The following DIS3L variants were observed in gnomAD, a reference collection of about 807,000 sequenced individuals.
The protein encoded by DIS3L is DIS3 like exosome 3'-5' exoribonuclease, also known as DIS3-like exonuclease 1.
Under a neutral mutation model 120.3 loss-of-function variants are expected in DIS3L, and 100 were observed. The observed-to-expected ratio is 0.83, with a 90% CI of 0.71 to 0.98. The LOEUF is 0.98. Ranked by LOEUF, DIS3L falls within the 50% of genes least tolerant of loss-of-function variation. The pLI is 0.00. For synonymous variants in DIS3L, 426 were observed against 470.6 expected (o/e 0.91, Z 1.23); for missense variants, 1,196 against 1,314.2 (o/e 0.91, Z 1.39).
At chr15:66,293,788 G>C (rs2092550570) in intron 1 of DIS3L, 53 bp downstream of exon 1, 1 of 1,128,260 alleles carries the variant, frequency 8.9e-7, no homozygotes, top group African/African-American at 1.6e-5. Context: ...GGCGGCCGCA[G>C]TGAGGGGCTG....
In DIS3L at chr15:66,309,094, A is replaced by AAAAATATATATATAT; in HGVS notation, c.558+251_558+252insAAATATATATATATA. 1.4e-3 allele frequency among the ~76,000 whole-genome samples: 21 copies of AAAAATATATATATAT among 15,316 alleles called. 6 individuals carry two copies. The highest frequency in any genetic ancestry group is 8.5e-3 in the South Asian group (1 of 118). The allele number at this position is 15,316 out of a possible 152,430, so 10.0% of individuals were successfully genotyped here. On this transcript the variant is annotated intron_variant, in intron 4 of 16. Transcript: ENST00000319212. ...CTTGTCTCTACAGAAAAAAAAAAAA[A>AAAAATATATATATAT]ATATATATATCTCCAAGCATGGTGG... is the stretch of plus-strand genomic sequence containing the variant.
intron 2 of DIS3L, among the ~76,000 whole-genome samples, chr15:66,306,220 C>A (rs368442194): frequency 4.6e-5 from 7 of 152,300 alleles, no homozygotes; most frequent in Admixed American, 2.0e-4. Context: ...AACCATTCTC[C>A]TTCCTCGGCC....
Position 66,326,117 on chromosome 15 carries a change from G to A in DIS3L, c.1954G>A (p.Glu652Lys). 1 of 1,614,200 alleles carries A rather than the reference G, an allele frequency of 6.2e-7. No homozygotes were observed. The highest frequency in any genetic ancestry group is 2.2e-5 in the East Asian group (1 of 44,884). ...KRDGCGALEL[E>K]GVEVCVQLDD... ...AGACGGATGTGGTGCCCTGGAACTG[G>A]AAGGGGTAGAGGTTTGCGTACAGCT... is the stretch of plus-strand genomic sequence containing the variant. The change falls in exon 12 of 17, where the codon GAA becomes AAA. Residue 652 changes from glutamate to lysine, a missense_variant. Glu to Lys is a moderately conservative substitution (Grantham distance 56). Coordinates refer to ENST00000319212, the MANE Select transcript of DIS3L (RefSeq NM_001143688.3).
Position 66,333,108 on chromosome 15 carries a change from G to C in DIS3L, c.2961G>C (p.Gln987His). 1 of 1,613,394 alleles carries C rather than the reference G, an allele frequency of 6.2e-7. No individual in the cohort carries two copies. Among genetic ancestry groups the C allele is most frequent in the Non-Finnish European group, 8.5e-7 (1 of 1,180,024 alleles). ...TACCAAATACAGAACTTATTCATCA[G>C]AGTTCCCCCTTGCTGAAGAGTGAGT... ...YKIPNTELIH[Q>H]SSPLLKSELV... is the part of the protein sequence containing the mutation. Residue 987 changes from glutamine to histidine, a missense_variant, in exon 17 of 17, where the codon CAG becomes CAC. Gln to His is a conservative substitution (Grantham distance 24). Transcript: ENST00000319212.
At chr15:66,325,012 G>T (rs1480751241) in intron 11 of DIS3L, among the ~76,000 whole-genome samples, 1 of 152,064 alleles carries the variant, frequency 6.6e-6, no homozygotes, top group Non-Finnish European at 1.5e-5. Flanking sequence ...TCACAGTTCA[G>T]TGCCATCCTG....
Position 66,309,094 on chromosome 15 carries a change from A to AAAAAAATATATAT in DIS3L, c.558+251_558+252insAAAAATATATATA. The stretch of plus-strand genomic sequence containing the variant: ...CTTGTCTCTACAGAAAAAAAAAAAA[A>AAAAAAATATATAT]ATATATATATCTCCAAGCATGGTGG... On this transcript the variant is annotated intron_variant, in intron 4 of 16. Transcript: ENST00000319212. 2.2e-3 allele frequency among the ~76,000 whole-genome samples: 33 copies of AAAAAAATATATAT among 15,314 alleles called. 7 individuals are homozygous for AAAAAAATATATAT. Among genetic ancestry groups the AAAAAAATATATAT allele is most frequent in the Admixed American group, 3.2e-3 (2 of 618 alleles). 10.0% of individuals were successfully genotyped at this position (15,314 alleles called of 152,430 possible). A position where few individuals can be genotyped will look rare whatever the true frequency, so the allele number is the denominator to read the frequency against.
chr15:66,315,300 C>T (rs2092806320), intron 7 of DIS3L, 85 bp downstream of exon 7: 1 of 1,242,240 alleles, frequency 8.0e-7, no homozygotes, highest in Non-Finnish European at 1.1e-6. Context: ...GAAATACTGC[C>T]CTTATTTTAT....
chr15:66,320,877 A>C, intron 9 of DIS3L, 145 bp downstream of exon 9: 1 of 1,078,394 alleles, frequency 9.3e-7, no homozygotes. Flanking sequence ...AATCCTCTTT[A>C]TTCTATATTT....
At chr15:66,293,829 G>C (rs1277596225) in intron 1 of DIS3L, 94 bp downstream of exon 1, 5 of 1,041,992 alleles carry the variant, frequency 4.8e-6, no homozygotes, top group Non-Finnish European at 5.8e-6. Context: ...CGCCAGCGGC[G>C]GGGACACGGA....
At chr15:66,300,154 T>C (rs1007259809) in intron 2 of DIS3L, among the ~76,000 whole-genome samples, 1 of 152,192 alleles carries the variant, frequency 6.6e-6, no homozygotes, top group Non-Finnish European at 1.5e-5. Flanking sequence ...TGTCCGTTAA[T>C]TGATTATGGT....
intron 5 of DIS3L, among the ~76,000 whole-genome samples, chr15:66,313,422 A>AAAAT (rs1299907297): frequency 6.6e-6 from 1 of 152,210 alleles, no homozygotes; most frequent in Non-Finnish European, 1.5e-5. Context: ...TTCTCCAAAG[A>AAAAT]AAATAAACCT....
chr15:66,311,852 TC>T lies in DIS3L; in HGVS notation c.691del (p.Leu231TrpfsTer4), dbSNP rs1229530786. The T allele has an allele frequency of 1.2e-6, 2 of 1,613,962 alleles. No individual in the cohort carries two copies. The highest frequency in any genetic ancestry group is 2.2e-5 in the East Asian group (1 of 44,890). On this transcript the variant is annotated frameshift_variant, in exon 5 of 17. Coordinates refer to ENST00000319212, the MANE Select transcript of DIS3L (RefSeq NM_001143688.3). LOFTEE classifies it high-confidence loss of function. ...SHGKEYPEHL[P>X]LEVLEAGIKS... is the part of the protein sequence containing the mutation. ...ATGGGAAGGAGTACCCAGAACATCT[TC>T]CCCTGGAAGTGTTAGAAGCTGGGAT...
At chr15:66,309,094 A>AAAAAAAAAAAAAAAAAAAAAATATATAT in intron 4 of DIS3L, among the ~76,000 whole-genome samples, 2 of 15,320 alleles carry the variant, frequency 1.3e-4, no homozygotes, top group Non-Finnish European at 1.2e-4. Context: ...AAAAAAAAAA[A>AAAAAAAAAAAAAAAAAAAAAATATATAT]ATATATATAT....
chr15:66,295,039 A>G lies in DIS3L; in HGVS notation c.191A>G (p.Lys64Arg), dbSNP rs2092570822. The G allele has an allele frequency of 5.6e-6, 9 of 1,614,174 alleles. No homozygotes were observed. Among genetic ancestry groups the G allele is most frequent in the Middle Eastern group, 3.3e-4 (2 of 6,062 alleles). ...DVTHYVIPDWKVVQDYLEILE... is the reference protein window; with the variant it reads ...DVTHYVIPDWRVVQDYLEILE... ...ACTCATTACGTGATCCCAGACTGGA[A>G]AGTTGTTCAAGATTATCTTGAGATC... Residue 64 changes from lysine to arginine, a missense_variant, in exon 2 of 17, where the codon AAA becomes AGA. By Grantham distance (26) the Lys-to-Arg change is conservative (BLOSUM62 2). Transcript: ENST00000319212.
Position 66,299,791 on chromosome 15 carries a change from C to T in DIS3L, c.293+4650C>T, listed in dbSNP as rs192508030. Among the ~76,000 whole-genome samples, 160 of 152,318 alleles carry T rather than the reference C, an allele frequency of 1.1e-3. 1 individual carries two copies. The highest frequency in any genetic ancestry group is 3.7e-3 in the African/African-American group (154 of 41,574). On this transcript the variant is annotated intron_variant, in intron 2 of 16. Coordinates refer to ENST00000319212, the MANE Select transcript of DIS3L (RefSeq NM_001143688.3). ...TCATACACAGCCGGGCGCGGTGGCT[C>T]ACGCCTGTAATCCTAGCATTTTGAC...
At chr15:66,309,694 C>A (rs530645747) in intron 4 of DIS3L, among the ~76,000 whole-genome samples, 3 of 152,156 alleles carry the variant, frequency 2.0e-5, no homozygotes, top group Non-Finnish European at 4.4e-5. Context: ...TCCAGGCAAT[C>A]GGACCCCAAA....
At chr15:66,302,859 T>A (rs1480971505) in intron 2 of DIS3L, among the ~76,000 whole-genome samples, 2 of 152,244 alleles carry the variant, frequency 1.3e-5, no homozygotes, top group African/African-American at 4.8e-5. Context: ...TTTAACTATT[T>A]TTAAGTGCAC....
intron 4 of DIS3L, among the ~76,000 whole-genome samples, chr15:66,310,669 T>C (rs2092751313): frequency 6.6e-6 from 1 of 152,158 alleles, no homozygotes; most frequent in Non-Finnish European, 1.5e-5. Flanking sequence ...CAGACAGAAT[T>C]TCTGGAAGGA....
In DIS3L at chr15:66,312,209, T is replaced by TA. The variant is rs535749569; in HGVS notation, c.735+328dup. Among the ~76,000 whole-genome samples, 965 of 121,324 alleles carry TA rather than the reference T, an allele frequency of 8.0e-3. 8 individuals are homozygous for TA. Among genetic ancestry groups the TA allele is most frequent in the African/African-American group, 0.021 (683 of 32,834 alleles). 79.6% of individuals were successfully genotyped at this position (121,324 alleles called of 152,430 possible). On this transcript the variant is annotated intron_variant, in intron 5 of 16. Transcript: ENST00000319212. ...GGTGACAGTGAGAACCTGTCTCAAT[T>TA]AAAAAAAAAAAAAAAAAAAGAATCT... is the stretch of plus-strand genomic sequence containing the variant.
Sources: allele counts gnomAD v4.1 joint callset (sites outside exome capture counted in the v4.1 genomes callset), GRCh38; gene constraint gnomAD v4.1.1; transcripts MANE v1.5; gene names NCBI Gene and HGNC (gene_info 2026-07-23, HGNC 2026-07-21).